The following RPAIN variants were observed in gnomAD, a reference collection of about 807,000 sequenced individuals.
RPAIN encodes RPA interacting protein.
RPAIN carries 29 observed loss-of-function variants against 30.5 expected under a neutral mutation model. The ratio of observed to expected loss-of-function variants is 0.95; its 90% CI spans 0.71 to 1.30. RPAIN has a LOEUF of 1.30. Among genes scored for constraint, RPAIN ranks in the 50% most tolerant of loss-of-function variants. The pLI, the probability that RPAIN is intolerant of heterozygous loss-of-function variation, is 0.00. For missense variants in RPAIN, 247 were observed against 264.7 expected, an observed-to-expected ratio of 0.93 and a Z score of 0.46; for synonymous variants, 101 against 93.5, an observed-to-expected ratio of 1.08 and a Z score of -0.46.
At position 5,432,695 on chromosome 17, in the gene RPAIN, GAAA is replaced by G. The variant is rs553032511; in HGVS notation, c.*131_*133del. On this transcript the variant is annotated 3_prime_UTR_variant, in exon 7 of 7. Transcript: ENST00000381209. ...ATTGAAACTTTTAAACAATACTGAA[GAAA>G]AAAAAACTTTTCCGACATCTGTTCT... is the stretch of plus-strand genomic sequence containing the variant. The G allele has an allele frequency of 2.9e-6, 3 of 1,032,704 alleles. No individual in the cohort carries two copies. The East Asian group carries it at 7.5e-5, about 26-fold the overall frequency. 64.0% of individuals were successfully genotyped at this position (1,032,704 alleles called of 1,614,324 possible).
At position 5,422,749 on chromosome 17, in the gene RPAIN, G is replaced by A. The variant is rs761395882; in HGVS notation, c.253-20G>A. On this transcript the variant is annotated intron_variant, in intron 2 of 6. Transcript: ENST00000381209. ...GTGATTAATACTTCAAACTTCTGAT[G>A]CCGCTCCTTTCTCTTCCAGCTGGAG... 6.2e-7 allele frequency: 1 copy of A among 1,611,238 alleles called. No individual in the cohort carries two copies. Among genetic ancestry groups the A allele is most frequent in the East Asian group, 2.2e-5 (1 of 44,816 alleles).
chr17:5,421,529 C>T, intron 2 of RPAIN, 63 bp downstream of exon 2: 1 of 1,490,572 alleles, frequency 6.7e-7, no homozygotes, highest in Non-Finnish European at 9.2e-7. Flanking sequence ...CTCGTGTCCT[C>T]TTTTATTTGT....
At chr17:5,423,108 G>A in intron 3 of RPAIN, 1 of 285,020 alleles carries the variant, frequency 3.5e-6, no homozygotes, top group South Asian at 8.5e-5. Context: ...AAGGTGGTTG[G>A]TGTTCTCGTG....
At chr17:5,423,399 C>T (rs541007987) in intron 3 of RPAIN, among the ~76,000 whole-genome samples, 1 of 151,996 alleles carries the variant, frequency 6.6e-6, no homozygotes, top group African/African-American at 2.4e-5. Flanking sequence ...ATACTTGTAG[C>T]CTCCCTCAGC....
intron 1 of RPAIN, 38 bp from the exon 2 acceptor site, chr17:5,421,258 C>CTTTTT: frequency 6.7e-7 from 1 of 1,500,992 alleles, no homozygotes. Flanking sequence ...AATAGAAATG[C>CTTTTT]TTTTTTTTTC....
rs554293246 is a variant in RPAIN, at chr17:5,428,268, C to T, written c.630+57C>T. The T allele has an allele frequency of 1.5e-4, 244 of 1,612,950 alleles. 1 individual carries two copies. The African/African-American group carries it at 2.9e-3, about 19-fold the overall frequency. ...AGAGGGACCTGTGGTTGGTTTTATT[C>T]CCACCTTGATAGAAATAATGACCTA... is the stretch of plus-strand genomic sequence containing the variant. On this transcript the variant is annotated intron_variant, in intron 6 of 6. Coordinates refer to ENST00000381209, the MANE Select transcript of RPAIN (RefSeq NM_001033002.4).
intron 6 of RPAIN, chr17:5,429,662 C>T (rs779537920): frequency 7.7e-5 from 76 of 985,326 alleles, no homozygotes; most frequent in Non-Finnish European, 8.9e-5. Flanking sequence ...TTCCTGTTGA[C>T]TACAAGCATA....
intron 5 of RPAIN, chr17:5,427,520 G>GTGGATCA (rs1264587926): frequency 3.9e-5 from 6 of 153,638 alleles, no homozygotes; most frequent in African/African-American, 1.2e-4. Context: ...TCAAGAAACT[G>GTGGATCA]AGTATACAAC....
chr17:5,421,312 T>C lies in RPAIN; in HGVS notation c.98T>C (p.Met33Thr), dbSNP rs768932842. Residue 33 changes from methionine to threonine, a missense_variant, in exon 2 of 7, where the codon ATG (methionine) becomes ACG (threonine). Met to Thr is a moderately conservative substitution (Grantham distance 81, BLOSUM62 -1). Coordinates refer to ENST00000381209, the MANE Select transcript of RPAIN (RefSeq NM_001033002.4). ...EAFRQRCLER[M>T]RNSRDRLLNR... ...TTTTCCCAGAGATGCCTGGAGAGAA[T>C]GAGAAACAGCCGGGACAGGCTCCTA... 1.9e-6 allele frequency: 3 copies of C among 1,611,960 alleles called. No homozygotes were observed. Among genetic ancestry groups the C allele is most frequent in the South Asian group, 2.2e-5 (2 of 90,766 alleles).
chr17:5,429,304 G>C, intron 6 of RPAIN: 2 of 985,436 alleles, frequency 2.0e-6, no homozygotes, highest in Non-Finnish European at 2.4e-6. Context: ...GAGTTGTGGG[G>C]GTAGAGCTTA....
rs1348997056 is a variant in RPAIN, at chr17:5,428,736, T to C, written c.630+525T>C. ...GTGCTATAGGAACCAATATCTCTTA[T>C]AATCCATGTCCTTTCCATATATGTG... On this transcript the variant is annotated intron_variant, in intron 6 of 6. Transcript: ENST00000381209. The C allele has an allele frequency of 1.1e-5, 11 of 1,017,564 alleles. No individual in the cohort carries two copies. The Admixed American group carries it at 4.5e-4, about 42-fold the overall frequency. 63.0% of individuals were successfully genotyped at this position (1,017,564 alleles called of 1,614,324 possible).
At chr17:5,431,357 C>T (rs565809146) in intron 6 of RPAIN, 11 of 426,826 alleles carry the variant, frequency 2.6e-5, no homozygotes, top group South Asian at 5.1e-5. Flanking sequence ...TGTGGTGGCT[C>T]GCACCTGTAC....
rs1463823514 is a variant in RPAIN at position 5,432,653 on chromosome 17, T to C, written c.*82T>C. 1 of 1,292,722 alleles carries C rather than the reference T, an allele frequency of 7.7e-7. No homozygotes were observed. The highest frequency in any genetic ancestry group is 1.1e-6 in the Non-Finnish European group (1 of 907,906). 80.1% of individuals were successfully genotyped at this position (1,292,722 alleles called of 1,614,324 possible). On this transcript the variant is annotated 3_prime_UTR_variant, in exon 7 of 7. Transcript: ENST00000381209. The stretch of plus-strand genomic sequence containing the variant: ...GAGCCTTGTACATACAAGCCTTTTA[T>C]TTATAACTTATTTTGTATTGAAACT...
chr17:5,420,374 C>G, intron 1 of RPAIN, 83 bp downstream of exon 1: 2 of 1,245,228 alleles, frequency 1.6e-6, no homozygotes, highest in Non-Finnish European at 2.3e-6. Context: ...AGCCCTGCTC[C>G]GTGGAGCAGG....
chr17:5,432,281 G>T, intron 6 of RPAIN: 1 of 427,912 alleles, frequency 2.3e-6, no homozygotes, highest in Non-Finnish European at 4.2e-6. Context: ...TGTTTGATTA[G>T]TTCATCTACA....
chr17:5,431,647 C>G (rs1465255819), intron 6 of RPAIN: 6 of 456,544 alleles, frequency 1.3e-5, no homozygotes, highest in Non-Finnish European at 2.6e-5. Flanking sequence ...CCAGTGAGGT[C>G]AGGACGTAGG....
chr17:5,429,112 C>G (rs1303480105), intron 6 of RPAIN: 1 of 985,156 alleles, frequency 1.0e-6, no homozygotes, highest in Non-Finnish European at 1.2e-6. Context: ...TCTCACAGAG[C>G]TCAAGCCTTG....
rs1396790813 is a variant in RPAIN, at chr17:5,420,354, C to T, written c.81+63C>T. On this transcript the variant is annotated intron_variant, in intron 1 of 6. Coordinates refer to ENST00000381209, the MANE Select transcript of RPAIN (RefSeq NM_001033002.4). ...GTCCCGGTGACCGCCGTCTTCCCTG[C>T]CTTCGCCTTAGCCCTGCTCCGTGGA... The T allele has an allele frequency of 2.0e-5, 29 of 1,439,178 alleles. No individual in the cohort carries two copies. The South Asian group carries it at 2.6e-4, about 13-fold the overall frequency. 89.2% of individuals were successfully genotyped at this position (1,439,178 alleles called of 1,614,324 possible).
intron 6 of RPAIN, chr17:5,430,721 GT>G (rs1288628201): frequency 6.6e-6 from 1 of 152,256 alleles, no homozygotes; most frequent in Non-Finnish European, 1.5e-5. Flanking sequence ...TAATAAAGAG[GT>G]GCTTAAGATG....
Sources: gnomAD v4.1 joint callset for allele counts (sites outside exome capture counted in the v4.1 genomes callset) on GRCh38, gnomAD v4.1.1 for gene constraint, MANE v1.5 for transcripts, NCBI Gene and HGNC (gene_info 2026-07-23, HGNC 2026-07-21) for gene names.